The following CACNG2 variants were observed in gnomAD, a reference collection of about 807,000 sequenced individuals.
CACNG2 encodes voltage-dependent calcium channel gamma-2 subunit.
CACNG2 carries 3 observed loss-of-function variants against 25.9 expected under a neutral mutation model. That is an observed-to-expected ratio of 0.12 (90% CI 0.05 to 0.30). The LOEUF is 0.30. CACNG2 is among the 10% of genes least tolerant of loss of function. The probability of loss-of-function intolerance (pLI) is 1.00; values close to 1 mark genes in which losing one functional copy is unlikely to be tolerated. For missense variants in CACNG2, 341 were observed against 432.5 expected (o/e 0.79, Z 1.88); for synonymous variants, 167 against 173.3 (o/e 0.96, Z 0.29).
At chr22:36,679,231 C>CTTCT (rs993807935) in intron 1 of CACNG2, among the ~76,000 whole-genome samples, 22 of 86,686 alleles carry the variant, frequency 2.5e-4, no homozygotes, top group African/African-American at 1.2e-3. Flanking sequence ...TCTTTCTTTC[C>CTTCT]TTCTTTCTTT....
Position 36,566,395 on chromosome 22 carries a change from G to A in CACNG2, c.394C>T (p.His132Tyr). ...IAASEFYKTR[H>Y]NIILSAGIFF... ...ATGCCGGCACTCAGGATGATGTTGTGTCGAGTTTTGTAGAACTCGCTGGCT... is the reference window on the plus strand; with the variant it reads ...ATGCCGGCACTCAGGATGATGTTGTATCGAGTTTTGTAGAACTCGCTGGCT... The change falls in exon 3 of 4, where the codon CAC (histidine) becomes TAC (tyrosine). Residue 132 changes from histidine to tyrosine, a missense_variant. Coordinates refer to ENST00000300105, the MANE Select transcript of CACNG2 (RefSeq NM_006078.5). The A allele has an allele frequency of 1.1e-5, 17 of 1,614,108 alleles. No individual in the cohort carries two copies. The highest frequency in any genetic ancestry group is 1.4e-5 in the Non-Finnish European group (17 of 1,180,010).
At chr22:36,677,369 A>G (rs368683755) in intron 1 of CACNG2, among the ~76,000 whole-genome samples, 1 of 152,264 alleles carries the variant, frequency 6.6e-6, no homozygotes, top group Non-Finnish European at 1.5e-5. Flanking sequence ...GTCCATCTCT[A>G]TTCTTCTCTA....
At chr22:36,673,127 G>A (rs1936974896) in intron 1 of CACNG2, among the ~76,000 whole-genome samples, 1 of 152,242 alleles carries the variant, frequency 6.6e-6, no homozygotes, top group African/African-American at 2.4e-5. Flanking sequence ...TCAGGAGGCT[G>A]AGATGGGAGG....
chr22:36,654,370 C>T (rs991906755), intron 1 of CACNG2, among the ~76,000 whole-genome samples: 7 of 151,842 alleles, frequency 4.6e-5, no homozygotes, highest in Non-Finnish European at 8.8e-5. Flanking sequence ...GGATCACTTG[C>T]GTAGGCCACC....
chr22:36,639,836 C>A (rs998668521), intron 1 of CACNG2, among the ~76,000 whole-genome samples: 3 of 152,148 alleles, frequency 2.0e-5, no homozygotes, highest in African/African-American at 7.2e-5. Context: ...TACTGGCTCC[C>A]TAGAGACAGA....
chr22:36,653,165 T>A (rs1936645478), intron 1 of CACNG2, among the ~76,000 whole-genome samples: 1 of 151,920 alleles, frequency 6.6e-6, no homozygotes, highest in African/African-American at 2.4e-5. Flanking sequence ...CTACTAAAAA[T>A]ACAAAAATAT....
Position 36,564,197 on chromosome 22 carries a change from G to C in CACNG2, c.*154C>G. 1 of 581,300 alleles carries C rather than the reference G, an allele frequency of 1.7e-6. No individual in the cohort carries two copies. Among genetic ancestry groups the C allele is most frequent in the Non-Finnish European group, 2.9e-6 (1 of 345,756 alleles). The allele number at this position is 581,300 out of a possible 1,614,324, so 36.0% of individuals were successfully genotyped here. ...TTATGTTTTTTCTCTTTTTTTGTGT[G>C]TGTGTGTTTTTTTGTTTTTTGTTTT... is the stretch of plus-strand genomic sequence containing the variant. On this transcript the variant is annotated 3_prime_UTR_variant, in exon 4 of 4. Transcript: ENST00000300105. This position sits in a 1 kb window ranked among gnomAD's most constrained non-coding sequence, Gnocchi z 6.7.
chr22:36,611,164 C>T (rs934918972), intron 1 of CACNG2, among the ~76,000 whole-genome samples: 5 of 152,152 alleles, frequency 3.3e-5, no homozygotes, highest in African/African-American at 7.2e-5. Context: ...GGATCTGCAG[C>T]GCTGTCAAGG....
intron 1 of CACNG2, among the ~76,000 whole-genome samples, chr22:36,662,749 C>T (rs895258338): frequency 5.9e-5 from 9 of 152,184 alleles, no homozygotes; most frequent in African/African-American, 1.7e-4. Context: ...TCCTGGGCAC[C>T]GTGCATGCCC....
chr22:36,566,645 A>G, intron 2 of CACNG2, 152 bp from the exon 3 acceptor site: 1 of 862,844 alleles, frequency 1.2e-6, no homozygotes, highest in Non-Finnish European at 1.9e-6. Context: ...GGAGGGAGAG[A>G]CAGCGAGCAG....
At chr22:36,680,151 T>C (rs1217018966) in intron 1 of CACNG2, among the ~76,000 whole-genome samples, 20 of 133,780 alleles carry the variant, frequency 1.5e-4, no homozygotes, top group Middle Eastern at 5.0e-3. Context: ...CCACCATCAC[T>C]ACCACCACCA....
rs374735230 is a variant in CACNG2, at chr22:36,676,281, G to A, written c.211+26085C>T. ...TTCTTTAAGTACCATTGACTTAGAA[G>A]TCCCTCTAAACCTGAATCTTAGCGG... On this transcript the variant is annotated intron_variant, in intron 1 of 3. Transcript: ENST00000300105. Among the ~76,000 whole-genome samples, 10 of 152,284 alleles carry A rather than the reference G, an allele frequency of 6.6e-5. 1 individual carries two copies. The highest frequency in any genetic ancestry group is 6.2e-4 in the South Asian group (3 of 4,824).
At chr22:36,594,846 ATG>A (rs1179372553) in intron 1 of CACNG2, among the ~76,000 whole-genome samples, 34 of 120,836 alleles carry the variant, frequency 2.8e-4, no homozygotes, top group East Asian at 1.0e-3. Context: ...GTGTGTGTGC[ATG>A]TGTGTGTGTG....
intron 1 of CACNG2, among the ~76,000 whole-genome samples, chr22:36,661,872 A>G (rs556593591): frequency 2.7e-5 from 4 of 147,740 alleles, no homozygotes; most frequent in Non-Finnish European, 4.5e-5. Context: ...CAGTTTCTTC[A>G]CCTGGAAAAT....
chr22:36,647,975 C>T (rs748655932), intron 1 of CACNG2, among the ~76,000 whole-genome samples: 2 of 152,212 alleles, frequency 1.3e-5, no homozygotes, highest in African/African-American at 2.4e-5. Flanking sequence ...GCTTAGGCTC[C>T]TCAGACATGA....
At chr22:36,585,933 T>C (rs1006805976) in intron 2 of CACNG2, among the ~76,000 whole-genome samples, 1 of 152,266 alleles carries the variant, frequency 6.6e-6, no homozygotes, top group African/African-American at 2.4e-5. Context: ...TGAGCTGTTA[T>C]AAGGGCAGCA....
At chr22:36,567,011 T>C (rs1935138319) in intron 2 of CACNG2, among the ~76,000 whole-genome samples, 1 of 152,124 alleles carries the variant, frequency 6.6e-6, no homozygotes, top group Non-Finnish European at 1.5e-5. Flanking sequence ...TTTGGGGCCC[T>C]TGGGCACGCT....
chr22:36,671,803 T>C (rs1936954765), intron 1 of CACNG2, among the ~76,000 whole-genome samples: 1 of 152,180 alleles, frequency 6.6e-6, no homozygotes, highest in Non-Finnish European at 1.5e-5. Context: ...GGCAGAGCTT[T>C]CACCTCCTTT....
intron 1 of CACNG2, among the ~76,000 whole-genome samples, chr22:36,589,948 C>G (rs1935561118): frequency 6.6e-6 from 1 of 152,216 alleles, no homozygotes. Context: ...CATTTTCTTT[C>G]AATTCAATCT....
Sources: gnomAD v4.1 joint callset for allele counts (sites outside exome capture counted in the v4.1 genomes callset) on GRCh38, gnomAD v4.1.1 for gene constraint, Gnocchi (gnomAD v3.1) non-coding constraint, MANE v1.5 for transcripts, NCBI Gene and HGNC (gene_info 2026-07-23, HGNC 2026-07-21) for gene names.